Variants in TMEM268 observed in about 807,000 individuals in gnomAD.
TMEM268 encodes the protein transmembrane protein C9orf91.
Under a neutral mutation model 39.1 loss-of-function variants are expected in TMEM268, and 24 were observed. That is an observed-to-expected ratio of 0.61 (90% CI 0.44 to 0.86). TMEM268 has a LOEUF of 0.86. Among genes scored for constraint, TMEM268 ranks in the 40% least tolerant of loss-of-function variants. The pLI, the probability that TMEM268 is intolerant of heterozygous loss-of-function variation, is 0.00. For synonymous variants in TMEM268, 176 were observed against 173.5 expected (o/e 1.01, Z -0.12); for missense variants, 409 against 428.6 (o/e 0.95, Z 0.40).
chr9:114,603,912 T>C, the TMEM268 span, among the ~76,000 whole-genome samples: 3 of 152,160 alleles, frequency 2.0e-5, no homozygotes, highest in African/African-American at 7.2e-5. Context: ...CCTCCCAAAG[T>C]GCTGGGATTA....
chr9:114,613,300 C>T (rs540898898), intron 1 of TMEM268, among the ~76,000 whole-genome samples: 1 of 152,324 alleles, frequency 6.6e-6, no homozygotes, highest in South Asian at 2.1e-4. Context: ...ATGGAACCTT[C>T]CACGCAGTCT....
chr9:114,612,258 T>C (rs1298571413), intron 1 of TMEM268, among the ~76,000 whole-genome samples: 1 of 152,198 alleles, frequency 6.6e-6, no homozygotes, highest in Non-Finnish European at 1.5e-5. Context: ...TAAGAGTATG[T>C]TCCTTTGCAG....
intron 1 of TMEM268, among the ~76,000 whole-genome samples, chr9:114,612,304 C>A (rs1845533363): frequency 6.6e-6 from 1 of 152,128 alleles, no homozygotes; most frequent in Non-Finnish European, 1.5e-5. Context: ...GGGAGTTGAC[C>A]TTGTGCAAGA....
At chr9:114,611,899 T>G (rs1422453543) in intron 1 of TMEM268, among the ~76,000 whole-genome samples, 1 of 152,208 alleles carries the variant, frequency 6.6e-6, no homozygotes, top group Non-Finnish European at 1.5e-5. Context: ...ACGAGACAGC[T>G]GCCCAAGGCC....
chr9:114,637,288 CTT>C (rs33946644), intron 7 of TMEM268, among the ~76,000 whole-genome samples: 88,051 of 126,926 alleles, frequency 0.69, 30,776 homozygotes, highest in African/African-American at 0.84. Flanking sequence ...TATATTTCTT[CTT>C]TTTTTTTTTT....
intron 8 of TMEM268, among the ~76,000 whole-genome samples, chr9:114,642,782 G>T (rs1486510667): frequency 1.3e-5 from 2 of 152,034 alleles, no homozygotes; most frequent in Non-Finnish European, 2.9e-5. Flanking sequence ...TGCCTGGCCA[G>T]CTAGGCTTAA....
intron 2 of TMEM268, among the ~76,000 whole-genome samples, chr9:114,618,239 A>C (rs190371517): frequency 6.6e-6 from 1 of 152,056 alleles, no homozygotes; most frequent in Non-Finnish European, 1.5e-5. Context: ...AGTGTTTTCC[A>C]TGGGGCTTAG....
rs1187329985 is a variant in TMEM268, at chr9:114,638,654, C to T, written c.777C>T (p.Gly259=). ...ENLEDAPLLP[G]NSCPNERPLM... ...TGGAGGATGCTCCTCTCCTGCCCGG[C>T]AATTCTTGTCCTAACGAGAGGCCAC... Residue 259 remains glycine, a synonymous_variant, in exon 8 of 9, where the codon GGC becomes GGT. Coordinates refer to ENST00000288502, the MANE Select transcript of TMEM268 (RefSeq NM_153045.4). The T allele has an allele frequency of 6.2e-7, 1 of 1,609,718 alleles. No homozygotes were observed. The highest frequency in any genetic ancestry group is 8.5e-7 in the Non-Finnish European group (1 of 1,178,218).
chr9:114,627,130 CT>C (rs932397354), intron 4 of TMEM268, 124 bp downstream of exon 4: 37 of 644,850 alleles, frequency 5.7e-5, no homozygotes, highest in Non-Finnish European at 9.2e-5. Flanking sequence ...GCCCAGGTGC[CT>C]GGAAACGAGC....
chr9:114,618,394 C>A (rs1210970202), intron 2 of TMEM268, among the ~76,000 whole-genome samples: 1 of 152,076 alleles, frequency 6.6e-6, no homozygotes, highest in Non-Finnish European at 1.5e-5. Context: ...GTGGCTCACA[C>A]CTGTAATCCC....
At chr9:114,624,314 T>A in intron 2 of TMEM268, 36 bp from the exon 3 acceptor site, 1 of 1,565,296 alleles carries the variant, frequency 6.4e-7, no homozygotes, top group South Asian at 1.2e-5. Flanking sequence ...GGTATGGTTA[T>A]CACTCAGCCA....
chr9:114,632,434 G>A (rs563062130), intron 5 of TMEM268, among the ~76,000 whole-genome samples: 26 of 152,186 alleles, frequency 1.7e-4, no homozygotes, highest in African/African-American at 6.0e-4. Flanking sequence ...TCTTGATCAG[G>A]CTGCTCTCTT....
At chr9:114,612,971 C>T (rs983408436) in intron 1 of TMEM268, among the ~76,000 whole-genome samples, 2 of 152,196 alleles carry the variant, frequency 1.3e-5, no homozygotes, top group African/African-American at 4.8e-5. Flanking sequence ...AGCTATATTT[C>T]TTCAATGATT....
Position 114,617,244 on chromosome 9 carries a change from C to A in TMEM268, c.49C>A (p.Pro17Thr). The A allele has an allele frequency of 6.2e-7, 1 of 1,612,878 alleles. No individual in the cohort carries two copies. Among genetic ancestry groups the A allele is most frequent in the Non-Finnish European group, 8.5e-7 (1 of 1,179,494 alleles). Residue 17 changes from proline (P) to threonine (T), a missense_variant, in exon 2 of 9, where the codon CCC becomes ACC. Physicochemically the swap from Pro to Thr is conservative, Grantham distance 38 (BLOSUM62 -1). Coordinates refer to ENST00000288502, the MANE Select transcript of TMEM268 (RefSeq NM_153045.4). ...VDPGATGPLP[P>T]SSPGWSALPG... Reference sequence around the variant, plus strand: ...CCCGGGGGCCACTGGCCCATTGCCCCCCTCCTCCCCTGGCTGGAGTGCCCT... The same window carrying A: ...CCCGGGGGCCACTGGCCCATTGCCCACCTCCTCCCCTGGCTGGAGTGCCCT...
chr9:114,624,216 G>A, intron 2 of TMEM268, 134 bp from the exon 3 acceptor site: 2 of 1,451,888 alleles, frequency 1.4e-6, no homozygotes, highest in Non-Finnish European at 9.1e-7. Context: ...AGGATTTGAG[G>A]ATGGCCACCG....
At chr9:114,632,777 TG>T (rs1448905743) in intron 5 of TMEM268, among the ~76,000 whole-genome samples, 1 of 152,192 alleles carries the variant, frequency 6.6e-6, no homozygotes, top group Non-Finnish European at 1.5e-5. Flanking sequence ...TCCCAGGCCC[TG>T]GGTTAAGTAC....
In TMEM268 at chr9:114,611,533, TGGCGGCGGC is replaced by T. The variant is rs3035396; in HGVS notation, c.-93_-85del. ...GCCCCCGACCTTCCGCGTCCCGGGG[TGGCGGCGGC>T]GGCGGCGGCGGCGGCGCGGGCGGTG... On this transcript the variant is annotated 5_prime_UTR_variant, in exon 1 of 9. Coordinates refer to ENST00000288502, the MANE Select transcript of TMEM268 (RefSeq NM_153045.4). 4.7e-3 allele frequency: 768 copies of T among 163,594 alleles called. 7 individuals carry two copies. The highest frequency in any genetic ancestry group is 0.029 in the East Asian group (161 of 5,524). 10.1% of individuals were successfully genotyped at this position (163,594 alleles called of 1,614,324 possible). A position where few individuals can be genotyped will look rare whatever the true frequency, so the allele number is the denominator to read the frequency against.
chr9:114,634,527 A>G (rs1363642489), intron 6 of TMEM268, among the ~76,000 whole-genome samples: 2 of 152,114 alleles, frequency 1.3e-5, no homozygotes, highest in Non-Finnish European at 2.9e-5. Context: ...GGGTCAGAAC[A>G]CAGTTAGGCC....
chr9:114,605,517 G>C, the TMEM268 span, among the ~76,000 whole-genome samples: 3 of 152,066 alleles, frequency 2.0e-5, no homozygotes, highest in Admixed American at 2.0e-4. Flanking sequence ...CTGGCTCCTG[G>C]GTCAGCTGTG....
Sources: allele counts gnomAD v4.1 joint callset (sites outside exome capture counted in the v4.1 genomes callset), GRCh38; gene constraint gnomAD v4.1.1; transcripts MANE v1.5; gene names NCBI Gene and HGNC (gene_info 2026-07-23, HGNC 2026-07-21).